Variants in ZNF277 observed in about 807,000 individuals in gnomAD.
ZNF277 encodes nuclear receptor-interacting factor 4.
A neutral mutation model predicts 60.7 loss-of-function variants in ZNF277; 55 were observed. The observed-to-expected ratio is 0.91, with a 90% confidence interval of 0.73 to 1.13. The LOEUF is 1.13. ZNF277 is among the 50% of genes most tolerant of loss of function. The probability of loss-of-function intolerance (pLI) is 0.00; values close to 1 mark genes in which losing one functional copy is unlikely to be tolerated. For synonymous variants in ZNF277, 178 were observed against 179.3 expected, an observed-to-expected ratio of 0.99 and a Z score of 0.06; for missense variants, 510 against 523.0, an observed-to-expected ratio of 0.98 and a Z score of 0.24.
At chr7:112,253,732 T>C (rs1278416032) in intron 1 of ZNF277, among the ~76,000 whole-genome samples, 1 of 152,156 alleles carries the variant, frequency 6.6e-6, no homozygotes, top group Non-Finnish European at 1.5e-5. Context: ...ATGTTTTTGT[T>C]TTCTTCCCTG....
At chr7:112,234,604 C>T (rs754396601) in intron 1 of ZNF277, among the ~76,000 whole-genome samples, 5 of 152,088 alleles carry the variant, frequency 3.3e-5, no homozygotes, top group Non-Finnish European at 5.9e-5. Context: ...TTTCATTATT[C>T]GTAACAGTAC....
At chr7:112,321,078 C>T (rs1434468204) in intron 5 of ZNF277, among the ~76,000 whole-genome samples, 5 of 151,330 alleles carry the variant, frequency 3.3e-5, no homozygotes, top group Non-Finnish European at 3.0e-5. Context: ...CCCGCAACCA[C>T]GCCCGGCAAA....
intron 4 of ZNF277, among the ~76,000 whole-genome samples, chr7:112,305,615 T>G (rs1792570901): frequency 6.7e-6 from 1 of 150,102 alleles, no homozygotes; most frequent in Admixed American, 6.6e-5. Context: ...AAGTTTTTAC[T>G]GAATAAATTT....
chr7:112,246,596 G>A (rs1327309155), intron 1 of ZNF277, among the ~76,000 whole-genome samples: 2 of 152,170 alleles, frequency 1.3e-5, no homozygotes, highest in African/African-American at 4.8e-5. Context: ...TTTGAGATTG[G>A]ATGATGCATA....
chr7:112,248,876 T>TA (rs1490819105), intron 1 of ZNF277, among the ~76,000 whole-genome samples: 2 of 152,158 alleles, frequency 1.3e-5, no homozygotes, highest in Non-Finnish European at 1.5e-5. Flanking sequence ...GACACCTTCT[T>TA]ACTTTTTCTC....
chr7:112,322,232 C>T (rs749517189), intron 5 of ZNF277, among the ~76,000 whole-genome samples: 1 of 150,962 alleles, frequency 6.6e-6, no homozygotes, highest in Non-Finnish European at 1.5e-5. Context: ...GACATTATTT[C>T]TTTAAATGTT....
chr7:112,300,624 C>T (rs888964827), intron 4 of ZNF277, among the ~76,000 whole-genome samples: 1 of 152,164 alleles, frequency 6.6e-6, no homozygotes. Context: ...GAATTGAGTT[C>T]ATCCATAGCT....
intron 5 of ZNF277, among the ~76,000 whole-genome samples, chr7:112,326,325 C>T (rs796501164): frequency 1.7e-4 from 26 of 152,098 alleles, no homozygotes; most frequent in African/African-American, 5.8e-4. Flanking sequence ...AACATGGCCT[C>T]GGGGATAGGG....
intron 1 of ZNF277, among the ~76,000 whole-genome samples, chr7:112,207,505 G>A (rs560027447): frequency 4.6e-5 from 7 of 152,176 alleles, no homozygotes; most frequent in Non-Finnish European, 1.0e-4. Context: ...TTTGAAAAGA[G>A]TTTTGAAAAC....
intron 4 of ZNF277, among the ~76,000 whole-genome samples, chr7:112,297,163 A>C (rs1440324181): frequency 6.6e-6 from 1 of 151,644 alleles, no homozygotes; most frequent in African/African-American, 2.4e-5. Context: ...TCCTGACCTC[A>C]TGATCTGCCC....
In ZNF277 at chr7:112,295,874, T is replaced by G; in HGVS notation, c.299T>G (p.Ile100Ser). 2 of 1,611,084 alleles carry G rather than the reference T, an allele frequency of 1.2e-6. No individual in the cohort carries two copies. The highest frequency in any genetic ancestry group is 1.7e-6 in the Non-Finnish European group (2 of 1,177,716). Reference protein sequence around the residue: ...VKLVADFQRYILYWRKRFTEQ... With the variant: ...VKLVADFQRYSLYWRKRFTEQ... ...TTATTTTATGTTGTTCTAAGGTACA[T>G]TTTATATTGGAGGAAAAGGTTCACT... The change falls in exon 3 of 12, where the codon ATT becomes AGT. Residue 100 changes from isoleucine to serine, a missense_variant. Physicochemically the swap from Ile to Ser is moderately radical, Grantham distance 142. Coordinates refer to ENST00000361822, the MANE Select transcript of ZNF277 (RefSeq NM_021994.3).
chr7:112,315,470 A>AAG (rs1294883161), intron 4 of ZNF277, among the ~76,000 whole-genome samples: 1 of 152,050 alleles, frequency 6.6e-6, no homozygotes, highest in African/African-American at 2.4e-5. Context: ...ATGGCCATAA[A>AAG]AGAGAGAGAA....
At chr7:112,328,736 G>T (rs1793158618) in intron 6 of ZNF277, among the ~76,000 whole-genome samples, 2 of 152,070 alleles carry the variant, frequency 1.3e-5, no homozygotes, top group Admixed American at 6.6e-5. Flanking sequence ...CGGGCATGGT[G>T]GTGCATGCCT....
chr7:112,284,230 T>C (rs1792010551), intron 1 of ZNF277, among the ~76,000 whole-genome samples: 1 of 152,234 alleles, frequency 6.6e-6, no homozygotes, highest in African/African-American at 2.4e-5. Flanking sequence ...ATGTTAGTTG[T>C]GCTGTTGATT....
At chr7:112,208,942 G>A (rs1031720941) in intron 1 of ZNF277, among the ~76,000 whole-genome samples, 1 of 152,096 alleles carries the variant, frequency 6.6e-6, no homozygotes, top group African/African-American at 2.4e-5. Flanking sequence ...GCCTCCCAAA[G>A]TGCTGGGATT....
At chr7:112,308,863 C>T (rs945126029) in intron 4 of ZNF277, among the ~76,000 whole-genome samples, 5 of 151,926 alleles carry the variant, frequency 3.3e-5, no homozygotes, top group African/African-American at 9.7e-5. Context: ...GAAATGGACA[C>T]CTGTGCATTT....
intron 4 of ZNF277, among the ~76,000 whole-genome samples, chr7:112,298,927 T>C (rs137883948): frequency 1.2e-3 from 184 of 152,278 alleles, no homozygotes; most frequent in African/African-American, 4.2e-3. Flanking sequence ...CTCTCATGTG[T>C]CTGGTACTAC....
intron 1 of ZNF277, among the ~76,000 whole-genome samples, chr7:112,281,837 T>C (rs1361688869): frequency 5.3e-5 from 8 of 152,344 alleles, no homozygotes. Context: ...TATTTTTATT[T>C]ATTTTTTTCT....
chr7:112,318,111 C>A, intron 4 of ZNF277, 71 bp from the exon 5 acceptor site: 1 of 1,310,080 alleles, frequency 7.6e-7, no homozygotes, highest in Non-Finnish European at 1.1e-6. Context: ...TTCCTCCCAT[C>A]CAGACTTTGA....
Sources: gnomAD v4.1 joint callset for allele counts (sites outside exome capture counted in the v4.1 genomes callset) on GRCh38, gnomAD v4.1.1 for gene constraint, MANE v1.5 for transcripts, NCBI Gene and HGNC (gene_info 2026-07-23, HGNC 2026-07-21) for gene names.